Variants in MEGF10 observed in about 807,000 individuals in gnomAD.
The protein encoded by MEGF10 is multiple epidermal growth factor-like domains protein 10.
In MEGF10, 86 loss-of-function variants were observed where a neutral mutation model predicts 147.5. That is an observed-to-expected ratio of 0.58 (90% confidence interval 0.49 to 0.70). The LOEUF (loss-of-function observed/expected upper bound fraction) is 0.70, where lower values mean the gene tolerates loss of function less well. MEGF10 is among the 30% of genes least tolerant of loss of function. The pLI, the probability that MEGF10 is intolerant of heterozygous loss-of-function variation, is 0.00. For synonymous variants in MEGF10, 478 were observed against 525.5 expected, an observed-to-expected ratio of 0.91 and a Z score of 1.24; for missense variants, 1,329 against 1,487.3, an observed-to-expected ratio of 0.89 and a Z score of 1.75.
At chr5:127,242,373 G>A in the MEGF10 span, among the ~76,000 whole-genome samples, 3 of 152,118 alleles carry the variant, frequency 2.0e-5, no homozygotes, top group African/African-American at 4.8e-5. Flanking sequence ...CTGGTTAAAA[G>A]CATTAAAAAA....
intron 7 of MEGF10, among the ~76,000 whole-genome samples, chr5:127,400,200 G>A (rs925389690): frequency 3.9e-5 from 6 of 152,186 alleles, no homozygotes; most frequent in African/African-American, 1.2e-4. Flanking sequence ...GAAATGGTGA[G>A]TAGCCCAGAC....
At chr5:127,242,892 A>G in the MEGF10 span, among the ~76,000 whole-genome samples, 1 of 152,190 alleles carries the variant, frequency 6.6e-6, no homozygotes, top group Non-Finnish European at 1.5e-5. Flanking sequence ...TGAGGGTCAG[A>G]TGATAAATTT....
chr5:127,246,119 G>T, the MEGF10 span, among the ~76,000 whole-genome samples: 4 of 152,272 alleles, frequency 2.6e-5, no homozygotes, highest in East Asian at 7.7e-4. Context: ...ATACTCAAAG[G>T]ATTATAAATC....
At chr5:127,386,916 A>G (rs769349740) in intron 5 of MEGF10, among the ~76,000 whole-genome samples, 2 of 152,172 alleles carry the variant, frequency 1.3e-5, no homozygotes, top group African/African-American at 4.8e-5. Flanking sequence ...TTGTGTAATT[A>G]GTGTGTTCCA....
intron 5 of MEGF10, among the ~76,000 whole-genome samples, chr5:127,380,878 G>T (rs543587785): frequency 9.2e-5 from 14 of 152,246 alleles, no homozygotes; most frequent in African/African-American, 2.9e-4. Flanking sequence ...TAGCTGCAAT[G>T]AAATTATAGA....
At position 127,449,105 on chromosome 5, in the gene MEGF10, A is replaced by G. The variant is rs1312042086; in HGVS notation, c.2863A>G (p.Asn955Asp). The G allele has an allele frequency of 6.2e-7, 1 of 1,614,130 alleles. No individual in the cohort carries two copies. Among genetic ancestry groups the G allele is most frequent in the East Asian group, 2.2e-5 (1 of 44,884 alleles). ...TTGTTTATATTTTTAACAGTCAAAA[A>G]ACAATCAACTGTTTGTGAATCTTAA... Reference protein sequence around the residue: ...RDRMTVTKSKNNQLFVNLKNV... With the variant: ...RDRMTVTKSKDNQLFVNLKNV... Residue 955 changes from asparagine (N) to aspartate (D), a missense_variant, in exon 22 of 25, where the codon AAC becomes GAC. Asn to Asp is a conservative substitution (Grantham distance 23, BLOSUM62 1). This residue lies in a region of MEGF10 where 343 missense variants were observed against 377.9 expected (regional missense o/e 0.91). Coordinates refer to ENST00000503335, the MANE Select transcript of MEGF10 (RefSeq NM_001256545.2).
intron 5 of MEGF10, among the ~76,000 whole-genome samples, chr5:127,372,017 A>G (rs1762867934): frequency 6.6e-6 from 1 of 152,236 alleles, no homozygotes; most frequent in Non-Finnish European, 1.5e-5. Flanking sequence ...GTCTGTGGCA[A>G]TCAACCTAAT....
the MEGF10 span, among the ~76,000 whole-genome samples, chr5:127,243,233 C>T: frequency 2.0e-5 from 3 of 152,074 alleles, no homozygotes; most frequent in Non-Finnish European, 4.4e-5. Context: ...TTTTCTACCT[C>T]GTGGTTGTTT....
chr5:127,348,849 C>A (rs1761990320), intron 4 of MEGF10, among the ~76,000 whole-genome samples: 1 of 152,068 alleles, frequency 6.6e-6, no homozygotes, highest in South Asian at 2.1e-4. Flanking sequence ...AGCTTCCAGG[C>A]TGACAAACCT....
At chr5:127,383,444 G>T (rs375761480) in intron 5 of MEGF10, among the ~76,000 whole-genome samples, 2 of 151,718 alleles carry the variant, frequency 1.3e-5, no homozygotes, top group East Asian at 3.9e-4. Flanking sequence ...CTCCAGCCTC[G>T]GAGACAGAGT....
chr5:127,441,607 G>A (rs528196745), intron 18 of MEGF10, among the ~76,000 whole-genome samples: 51 of 152,134 alleles, frequency 3.4e-4, no homozygotes, highest in African/African-American at 1.2e-3. Flanking sequence ...CAGTATTCAC[G>A]ATAAATAAAT....
At chr5:127,234,747 G>T in the MEGF10 span, among the ~76,000 whole-genome samples, 2 of 151,972 alleles carry the variant, frequency 1.3e-5, no homozygotes, top group South Asian at 4.1e-4. Flanking sequence ...GTGTCTTTTA[G>T]TGCTTTCTTC....
intron 20 of MEGF10, 47 bp downstream of exon 20, chr5:127,445,740 T>TTTCA: frequency 7.1e-7 from 1 of 1,410,218 alleles, no homozygotes; most frequent in Non-Finnish European, 1.0e-6. Flanking sequence ...AAAAGTTAAA[T>TTTCA]TTCATTCGGG....
At chr5:127,323,570 CATT>C (rs1178127158) in intron 1 of MEGF10, among the ~76,000 whole-genome samples, 1 of 152,146 alleles carries the variant, frequency 6.6e-6, no homozygotes, top group African/African-American at 2.4e-5. Context: ...AAATGATGGG[CATT>C]ATTAGGAGGT....
chr5:127,432,094 C>T (rs893294368), intron 13 of MEGF10, among the ~76,000 whole-genome samples: 7 of 152,160 alleles, frequency 4.6e-5, no homozygotes, highest in Non-Finnish European at 7.4e-5. Context: ...GCCCATGGTC[C>T]GAATGAAATA....
chr5:127,375,372 G>T (rs1762985970), intron 5 of MEGF10, among the ~76,000 whole-genome samples: 1 of 152,214 alleles, frequency 6.6e-6, no homozygotes. Flanking sequence ...AACAGTCAGT[G>T]TTCCTGGCTT....
chr5:127,273,126 CA>C, the MEGF10 span, among the ~76,000 whole-genome samples: 1 of 152,188 alleles, frequency 6.6e-6, no homozygotes, highest in African/African-American at 2.4e-5. Flanking sequence ...CATGCCGGAG[CA>C]GCTGCTCTGC....
the MEGF10 span, among the ~76,000 whole-genome samples, chr5:127,258,120 T>C: frequency 6.6e-6 from 1 of 152,218 alleles, no homozygotes; most frequent in Non-Finnish European, 1.5e-5. Flanking sequence ...CCAATTGTGC[T>C]CAGTATTCTT....
chr5:127,285,579 C>T, the MEGF10 span, among the ~76,000 whole-genome samples: 1 of 151,988 alleles, frequency 6.6e-6, no homozygotes. Context: ...ACTTGATGAA[C>T]AGTGTCAACT....
Sources: gnomAD v4.1 joint callset for allele counts (sites outside exome capture counted in the v4.1 genomes callset) on GRCh38, gnomAD v4.1.1 for gene constraint, gnomAD v4.1.1 regional missense constraint, MANE v1.5 for transcripts, NCBI Gene and HGNC (gene_info 2026-07-23, HGNC 2026-07-21) for gene names.